Variants in DMD observed in about 807,000 individuals in gnomAD.
DMD encodes the protein dystrophin, also known as mutant dystrophin.
In DMD, 63 loss-of-function variants were observed where a neutral mutation model predicts 330.1. The observed-to-expected ratio is 0.19, with a 90% CI of 0.16 to 0.24. The LOEUF is 0.24. Among genes scored for constraint, DMD ranks in the 10% least tolerant of loss-of-function variants. The pLI is 1.00. For synonymous variants in DMD, 1,223 were observed against 959.8 expected (o/e 1.27, Z -5.07); for missense variants, 3,344 against 2,684.1 (o/e 1.25, Z -5.43).
At chrX:32,863,871 C>G (rs1431766124) in intron 2 of DMD, among the ~76,000 whole-genome samples, 1 of 111,964 alleles carries the variant, frequency 8.9e-6, no homozygotes, top group Non-Finnish European at 1.9e-5. Flanking sequence ...GGAAGTCATC[C>G]TTGGTTTATT....
In DMD at chrX:33,229,615, A is replaced by G. The variant is rs1030896774; in HGVS notation, c.7+109644T>C. Among the ~76,000 whole-genome samples, 3 of 111,879 alleles carry G rather than the reference A, an allele frequency of 2.7e-5. No individual in the cohort carries two copies. The Admixed American group carries it at 2.9e-4, about 11-fold the overall frequency. ...TGGAATCTCTATTCTATTGCATTGA[A>G]CTATGCGTCTATCTCTCCCCCAATT... is the stretch of plus-strand genomic sequence containing the variant. On this transcript the variant is annotated intron_variant, in intron 1 of 17. Transcript: ENST00000288447.
At chrX:31,519,912 G>C (rs2072588922) in intron 55 of DMD, among the ~76,000 whole-genome samples, 2 of 111,934 alleles carry the variant, frequency 1.8e-5, no homozygotes, top group Middle Eastern at 4.6e-3. Context: ...CTTCTGGAGA[G>C]TGTGACTTTT....
intron 2 of DMD, among the ~76,000 whole-genome samples, chrX:32,859,277 G>A (rs1307436302): frequency 9.1e-6 from 1 of 110,088 alleles, no homozygotes; most frequent in African/African-American, 3.3e-5. Context: ...AGACCAGCCT[G>A]GCCAACATGG....
intron 17 of DMD, among the ~76,000 whole-genome samples, chrX:32,524,136 G>A (rs368445512): frequency 3.6e-5 from 4 of 109,661 alleles, no homozygotes; most frequent in African/African-American, 1.3e-4. Flanking sequence ...TGGTTTCACC[G>A]TGTTAGCCAG....
At chrX:31,626,540 C>T (rs942901777) in intron 55 of DMD, among the ~76,000 whole-genome samples, 5 of 111,044 alleles carry the variant, frequency 4.5e-5, no homozygotes, top group Non-Finnish European at 7.5e-5. Context: ...TAACTCAACA[C>T]GCATTTTGGA....
chrX:31,482,235 G>C (rs1186506258), intron 57 of DMD, among the ~76,000 whole-genome samples: 11 of 91,520 alleles, frequency 1.2e-4, no homozygotes, highest in African/African-American at 6.1e-4. Context: ...GTGTGTGTGT[G>C]TGGGGGGGGT....
chrX:32,737,944 A>G (rs995787068), intron 7 of DMD, among the ~76,000 whole-genome samples: 1 of 112,095 alleles, frequency 8.9e-6, no homozygotes, highest in African/African-American at 3.2e-5. Flanking sequence ...TTGATATAAC[A>G]GGAATTTTAG....
chrX:31,659,098 T>C (rs570691334), intron 53 of DMD, among the ~76,000 whole-genome samples: 1 of 111,584 alleles, frequency 9.0e-6, no homozygotes, highest in South Asian at 3.8e-4. Flanking sequence ...AAGGTACAAT[T>C]GGACACCAAT....
intron 7 of DMD, among the ~76,000 whole-genome samples, chrX:32,734,176 A>C (rs1283811454): frequency 9.7e-4 from 106 of 109,335 alleles, no homozygotes; most frequent in Non-Finnish European, 1.2e-3. Context: ...GAAATGGATA[A>C]ATTCCTGCAC....
chrX:32,662,752 G>A (rs1211075212), intron 9 of DMD, among the ~76,000 whole-genome samples: 2 of 111,764 alleles, frequency 1.8e-5, no homozygotes, highest in African/African-American at 3.2e-5. Context: ...TAAGGCAAAG[G>A]ATGGAAAGGC....
At chrX:33,204,439 C>T (rs2051451574) in intron 1 of DMD, among the ~76,000 whole-genome samples, 1 of 111,793 alleles carries the variant, frequency 8.9e-6, no homozygotes, top group Admixed American at 9.6e-5. Context: ...GACAACTATA[C>T]TCTAACCTCA....
chrX:33,206,533 T>C (rs980188017), intron 1 of DMD, among the ~76,000 whole-genome samples: 1 of 111,493 alleles, frequency 9.0e-6, no homozygotes, highest in Non-Finnish European at 1.9e-5. Flanking sequence ...AAAGCAGGAA[T>C]ACATTGATTT....
chrX:31,698,355 G>A (rs1177900804), intron 52 of DMD, among the ~76,000 whole-genome samples: 8 of 111,883 alleles, frequency 7.2e-5, no homozygotes, highest in African/African-American at 1.6e-4. Flanking sequence ...ACTGTTCTCC[G>A]AGGCTAAAAC....
intron 60 of DMD, among the ~76,000 whole-genome samples, chrX:31,422,041 A>AT (rs755714075): frequency 0.026 from 279 of 10,923 alleles, 7 homozygotes; most frequent in African/African-American, 0.037. Context: ...ATATATATAT[A>AT]TATTTTTTTT....
chrX:31,166,541 A>G (rs1181511288), intron 74 of DMD, among the ~76,000 whole-genome samples: 4 of 112,099 alleles, frequency 3.6e-5, no homozygotes, highest in Non-Finnish European at 7.5e-5. Flanking sequence ...GCGTAGCCCA[A>G]TGCTGACTTA....
In DMD at chrX:32,277,649, A is replaced by G. The variant is rs771421636; in HGVS notation, c.6290+9880T>C. ...CTGACCACAATGGAATGAGACTAGA[A>G]ATCAACAATGAGGAATTTTGGAAGC... is the stretch of plus-strand genomic sequence containing the variant. On this transcript the variant is annotated intron_variant, in intron 43 of 78. Coordinates refer to ENST00000357033, the MANE Select transcript of DMD (RefSeq NM_004006.3). Among the ~76,000 whole-genome samples the G allele has an allele frequency of 2.5e-3, 281 of 111,558 alleles. 2 individuals are homozygous for G. The highest frequency in any genetic ancestry group is 7.8e-3 in the Admixed American group (81 of 10,408).
chrX:32,835,756 T>C (rs957016931), intron 4 of DMD, among the ~76,000 whole-genome samples: 6 of 111,453 alleles, frequency 5.4e-5, no homozygotes, highest in African/African-American at 2.0e-4. Flanking sequence ...GAACTAGTGA[T>C]TTATGGCAGA....
At chrX:32,257,261 A>G (rs2097303199) in intron 43 of DMD, among the ~76,000 whole-genome samples, 1 of 112,164 alleles carries the variant, frequency 8.9e-6, no homozygotes, top group South Asian at 3.7e-4. Context: ...TTACAGATTC[A>G]ATGCTATCCC....
chrX:32,771,957 C>A (rs1315934571), intron 7 of DMD, among the ~76,000 whole-genome samples: 1 of 111,935 alleles, frequency 8.9e-6, no homozygotes, highest in African/African-American at 3.2e-5. Flanking sequence ...GAGGTCCTAA[C>A]TAAGCCAGTG....
Sources: gnomAD v4.1 joint callset for allele counts (sites outside exome capture counted in the v4.1 genomes callset) on GRCh38, gnomAD v4.1.1 for gene constraint, MANE v1.5 for transcripts, NCBI Gene and HGNC (gene_info 2026-07-23, HGNC 2026-07-21) for gene names.